Variants in CLSTN3 observed in about 807,000 individuals in gnomAD.
CLSTN3 encodes the protein calsyntenin 3, also known as calsyntenin-3.
Under a neutral mutation model 95.9 loss-of-function variants are expected in CLSTN3, and 36 were observed. The observed-to-expected ratio is 0.38, with a 90% CI of 0.29 to 0.50. The LOEUF is 0.50. Among genes scored for constraint, CLSTN3 ranks in the 20% least tolerant of loss-of-function variants. The probability of loss-of-function intolerance (pLI) is 0.95; values close to 1 mark genes in which losing one functional copy is unlikely to be tolerated. For synonymous variants in CLSTN3, 481 were observed against 504.0 expected (o/e 0.95, Z 0.61); for missense variants, 1,084 against 1,268.8 (o/e 0.85, Z 2.21).
At chr12:7,145,106 T>A (rs1248663045) in intron 12 of CLSTN3, among the ~76,000 whole-genome samples, 1 of 152,174 alleles carries the variant, frequency 6.6e-6, no homozygotes, top group Non-Finnish European at 1.5e-5. Flanking sequence ...CAAGGGGAGT[T>A]CCTGCGGGGG....
At chr12:7,145,373 G>A (rs772883735) in intron 12 of CLSTN3, among the ~76,000 whole-genome samples, 3 of 151,450 alleles carry the variant, frequency 2.0e-5, no homozygotes, top group South Asian at 2.1e-4. Flanking sequence ...GTGTGTGTGC[G>A]CGCGCATTTG....
rs1031735501 is a variant in CLSTN3, at chr12:7,149,769, G to C, written c.2245+76G>C. The C allele has an allele frequency of 3.6e-6, 5 of 1,402,482 alleles. No individual in the cohort carries two copies. The Admixed American group carries it at 6.6e-5, about 18-fold the overall frequency. 86.9% of individuals were successfully genotyped at this position (1,402,482 alleles called of 1,614,324 possible). A position where few individuals can be genotyped will look rare whatever the true frequency, so the allele number is the denominator to read the frequency against. ...AAGTAAGGGCCTAGGAAGCCCAGAG[G>C]GTCCTCCTTCCAGGTCCAGGGATGT... On this transcript the variant is annotated intron_variant, in intron 14 of 17. Transcript: ENST00000266546. This position sits in a 1 kb window ranked among gnomAD's most constrained non-coding sequence, Gnocchi z 4.5.
chr12:7,157,211 CTT>C lies in CLSTN3; in HGVS notation c.2528-274_2528-273del, dbSNP rs895243757. ...TTCATGACAGTGTTGGGCAGGGAGT[CTT>C]TTTCCTCCTCTGCCCTTGCCTCTCT... is the stretch of plus-strand genomic sequence containing the variant. On this transcript the variant is annotated intron_variant, in intron 16 of 17. Coordinates refer to ENST00000266546, the MANE Select transcript of CLSTN3 (RefSeq NM_014718.4). This position sits in a 1 kb window ranked among gnomAD's most constrained non-coding sequence, Gnocchi z 5.9. Among the ~76,000 whole-genome samples the C allele has an allele frequency of 2.6e-5, 4 of 152,186 alleles. No individual in the cohort carries two copies. Among genetic ancestry groups the C allele is most frequent in the Admixed American group, 2.0e-4 (3 of 15,286 alleles).
rs777854282 is a variant in CLSTN3, at chr12:7,139,806, G to A, written c.1324-1436G>A. On this transcript the variant is annotated intron_variant, in intron 8 of 17. Coordinates refer to ENST00000266546, the MANE Select transcript of CLSTN3 (RefSeq NM_014718.4). ...TGGGACTACAGGCGTGTGCCACCAC[G>A]CCCAGCTAATTTTTGTATTTTTAGT... 2.6e-5 allele frequency among the ~76,000 whole-genome samples: 4 copies of A among 152,116 alleles called. No individual in the cohort carries two copies. The South Asian group carries it at 6.2e-4, about 24-fold the overall frequency.
chr12:7,139,741 C>T (rs988127376), intron 8 of CLSTN3, among the ~76,000 whole-genome samples: 10 of 151,976 alleles, frequency 6.6e-5, no homozygotes, highest in Admixed American at 1.3e-4. Flanking sequence ...CTCGGCCTCC[C>T]GGGTTCAAGA....
Position 7,149,795 on chromosome 12 carries a change from G to A in CLSTN3, c.2245+102G>A. Reference sequence around the variant, plus strand: ...GTCCTCCTTCCAGGTCCAGGGATGTGGACAAGTGCCGTTTTGCATTTTCCT... The same window carrying A: ...GTCCTCCTTCCAGGTCCAGGGATGTAGACAAGTGCCGTTTTGCATTTTCCT... On this transcript the variant is annotated intron_variant, in intron 14 of 17. Coordinates refer to ENST00000266546, the MANE Select transcript of CLSTN3 (RefSeq NM_014718.4). The surrounding 1 kb of genome is among the most constrained non-coding windows in gnomAD (Gnocchi z 4.5). The A allele has an allele frequency of 1.8e-6, 2 of 1,117,118 alleles. No individual in the cohort carries two copies. Among genetic ancestry groups the A allele is most frequent in the South Asian group, 1.7e-5 (1 of 60,542 alleles). The allele number at this position is 1,117,118 out of a possible 1,614,324, so 69.2% of individuals were successfully genotyped here.
rs183838862 is a variant in CLSTN3 at position 7,158,029 on chromosome 12, C to T, written c.2819C>T (p.Ser940Phe). 7 of 1,550,244 alleles carry T rather than the reference C, an allele frequency of 4.5e-6. No homozygotes were observed. Among genetic ancestry groups the T allele is most frequent in the Admixed American group, 3.9e-5 (2 of 51,000 alleles). Residue 940 changes from serine (S) to phenylalanine (F), a missense_variant, in exon 18 of 18, where the codon TCC becomes TTC. Coordinates refer to ENST00000266546, the MANE Select transcript of CLSTN3 (RefSeq NM_014718.4). ...EDSSDSEVAD[S>F]PSSDERRIIE... is the part of the protein sequence containing the mutation. ...AGCAGTGACTCGGAGGTGGCCGATT[C>T]CCCCAGCAGCGACGAGAGACGCATC...
At position 7,141,534 on chromosome 12, in the gene CLSTN3, T is replaced by G. The variant is rs989439256; in HGVS notation, c.1486+130T>G. ...TCTCTCTGCAGCTGTGCAGGGTGAC[T>G]CTGAAGATCTCCATGGGAAGGGACC... On this transcript the variant is annotated intron_variant, in intron 9 of 17. Coordinates refer to ENST00000266546, the MANE Select transcript of CLSTN3 (RefSeq NM_014718.4). The surrounding 1 kb of genome is among the most constrained non-coding windows in gnomAD (Gnocchi z 4.1). The G allele has an allele frequency of 2.1e-5, 20 of 938,842 alleles. No homozygotes were observed. The East Asian group carries it at 3.7e-4, about 17-fold the overall frequency. The allele number at this position is 938,842 out of a possible 1,614,324, so 58.2% of individuals were successfully genotyped here. A position where few individuals can be genotyped will look rare whatever the true frequency, so the allele number is the denominator to read the frequency against.
At chr12:7,135,137 G>A (rs1019496703) in intron 3 of CLSTN3, among the ~76,000 whole-genome samples, 190 bp from the exon 4 acceptor site, 1 of 152,038 alleles carries the variant, frequency 6.6e-6, no homozygotes, top group Non-Finnish European at 1.5e-5. Flanking sequence ...CTGTTTGTTG[G>A]TGTACAGTAT....
intron 8 of CLSTN3, among the ~76,000 whole-genome samples, chr12:7,139,527 G>C (rs1280946344): frequency 6.6e-6 from 1 of 152,222 alleles, no homozygotes; most frequent in Non-Finnish European, 1.5e-5. Context: ...AGGTTGTACA[G>C]TGGACTTTTT....
chr12:7,140,202 C>G (rs77463765), intron 8 of CLSTN3, among the ~76,000 whole-genome samples: 7 of 152,136 alleles, frequency 4.6e-5, no homozygotes, highest in Non-Finnish European at 1.0e-4. Flanking sequence ...TTGTCTCCTA[C>G]GTCAGCCACT....
rs151303174 is a variant in CLSTN3, at chr12:7,154,236, G to C, written c.2527+3173G>C. ...AAATCTCGAGTGGTGTTGCAGAACTGTGGTTTCACAATATCAAACCATTCT... is the reference window on the plus strand; with the variant it reads ...AAATCTCGAGTGGTGTTGCAGAACTCTGGTTTCACAATATCAAACCATTCT... On this transcript the variant is annotated intron_variant, in intron 16 of 17. Transcript: ENST00000266546. Among the ~76,000 whole-genome samples, 16 of 152,298 alleles carry C rather than the reference G, an allele frequency of 1.1e-4. No individual in the cohort carries two copies. The East Asian group carries it at 3.1e-3, about 29-fold the overall frequency.
At position 7,137,371 on chromosome 12, in the gene CLSTN3, G is replaced by A; in HGVS notation, c.1210+261G>A. 1 of 472,980 alleles carries A rather than the reference G, an allele frequency of 2.1e-6. No individual in the cohort carries two copies. The allele number at this position is 472,980 out of a possible 1,614,324, so 29.3% of individuals were successfully genotyped here. ...AGTCAACTTCTCTGTGTCCCACCATGTGGTAGGCTGTCCCCACCCCCCATC... is the reference window on the plus strand; with the variant it reads ...AGTCAACTTCTCTGTGTCCCACCATATGGTAGGCTGTCCCCACCCCCCATC... On this transcript the variant is annotated intron_variant, in intron 7 of 17. Transcript: ENST00000266546. The surrounding 1 kb of genome is among the most constrained non-coding windows in gnomAD (Gnocchi z 4.4).
In CLSTN3 at chr12:7,158,201, GTCC is replaced by G. The variant is rs1939857025; in HGVS notation, c.*125_*127del. The G allele has an allele frequency of 1.6e-6, 2 of 1,265,960 alleles. No individual in the cohort carries two copies. Among genetic ancestry groups the G allele is most frequent in the Non-Finnish European group, 2.1e-6 (2 of 950,080 alleles). The allele number at this position is 1,265,960 out of a possible 1,614,324, so 78.4% of individuals were successfully genotyped here. On this transcript the variant is annotated 3_prime_UTR_variant, in exon 18 of 18. Transcript: ENST00000266546. The stretch of plus-strand genomic sequence containing the variant: ...AAGAGGGAGAGAGGCTTCAGAACCA[GTCC>G]TCCTTTCATTTCAAAACCCCAGCGG...
At position 7,142,079 on chromosome 12, in the gene CLSTN3, TCCCCAGAG is replaced by T; in HGVS notation, c.1487-6_1488del. The T allele has an allele frequency of 6.5e-7, 1 of 1,527,048 alleles. No homozygotes were observed. Among genetic ancestry groups the T allele is most frequent in the Non-Finnish European group, 8.9e-7 (1 of 1,128,892 alleles). The allele number at this position is 1,527,048 out of a possible 1,614,324, so 94.6% of individuals were successfully genotyped here. ...CAGCACTGTTTTTTTTTTTTTTTTA[TCCCCAGAG>T]GAGAAGAACAAAGAGAAGGAAAAGG... On this transcript the variant is annotated splice_acceptor_variant and splice_polypyrimidine_tract_variant and coding_sequence_variant and intron_variant, in exon 10 of 18. Transcript: ENST00000266546. LOFTEE classifies it high-confidence loss of function.
At chr12:7,132,764 C>T in intron 1 of CLSTN3, 1 of 598,884 alleles carries the variant, frequency 1.7e-6, no homozygotes. Flanking sequence ...TGATCCCCTC[C>T]TCTTCACCCC....
At chr12:7,139,234 A>AG (rs1939485060) in intron 8 of CLSTN3, among the ~76,000 whole-genome samples, 1 of 152,218 alleles carries the variant, frequency 6.6e-6, no homozygotes, top group African/African-American at 2.4e-5. Context: ...GAAGCAGGCA[A>AG]GGGACTGGGG....
At chr12:7,132,981 C>G (rs754702865) in intron 1 of CLSTN3, 43 bp from the exon 2 acceptor site, 2 of 1,611,636 alleles carry the variant, frequency 1.2e-6, no homozygotes, top group East Asian at 4.5e-5. Flanking sequence ...AGTAGAGGCC[C>G]TGCTCACAGG....
At position 7,149,064 on chromosome 12, in the gene CLSTN3, G is replaced by A. The variant is rs1939675933; in HGVS notation, c.1940G>A (p.Gly647Asp). 1 of 1,614,222 alleles carries A rather than the reference G, an allele frequency of 6.2e-7. No homozygotes were observed. The highest frequency in any genetic ancestry group is 8.5e-7 in the Non-Finnish European group (1 of 1,180,032). The change falls in exon 13 of 18, where the codon GGC becomes GAC. Residue 647 changes from glycine to aspartate, a missense_variant. Transcript: ENST00000266546. This position sits in a 1 kb window ranked among gnomAD's most constrained non-coding sequence, Gnocchi z 4.5. The part of the protein sequence containing the change: ...QPDAPQILLS[G>D]TAHFARPAVD... ...GACGCCCCCCAGATCCTGCTGAGTG[G>A]CACTGCTCATTTTGCCCGCCCAGCT... is the stretch of plus-strand genomic sequence containing the variant.
Sources: gnomAD v4.1 joint callset for allele counts (sites outside exome capture counted in the v4.1 genomes callset) on GRCh38, gnomAD v4.1.1 for gene constraint, Gnocchi (gnomAD v3.1) non-coding constraint, MANE v1.5 for transcripts, NCBI Gene and HGNC (gene_info 2026-07-23, HGNC 2026-07-21) for gene names.